Variants in LRRTM4 observed in about 807,000 individuals in gnomAD.
LRRTM4 encodes the protein leucine rich repeat transmembrane neuronal 4, also known as leucine-rich repeat transmembrane neuronal protein 4.
LRRTM4 carries 25 observed loss-of-function variants against 47.6 expected under a neutral mutation model. The ratio of observed to expected loss-of-function variants is 0.53; its 90% CI spans 0.38 to 0.73. The LOEUF is 0.73. Among genes scored for constraint, LRRTM4 ranks in the 30% least tolerant of loss-of-function variants. The pLI is 0.00. For missense variants in LRRTM4, 638 were observed against 713.4 expected (o/e 0.89, Z 1.20); for synonymous variants, 311 against 269.5 (o/e 1.15, Z -1.51).
intron 3 of LRRTM4, among the ~76,000 whole-genome samples, chr2:77,412,792 G>C (rs1188604932): frequency 6.6e-6 from 1 of 152,040 alleles, no homozygotes; most frequent in African/African-American, 2.4e-5. Context: ...AATAAAATAA[G>C]CAGCATGGGA....
intron 3 of LRRTM4, among the ~76,000 whole-genome samples, chr2:77,467,990 G>A (rs1371750587): frequency 6.6e-6 from 1 of 152,110 alleles, no homozygotes; most frequent in African/African-American, 2.4e-5. Flanking sequence ...GCTAAGGGGT[G>A]AAAAAGTCAT....
At chr2:77,243,549 T>A (rs1012888338) in intron 3 of LRRTM4, among the ~76,000 whole-genome samples, 1 of 148,382 alleles carries the variant, frequency 6.7e-6, no homozygotes, top group Admixed American at 6.8e-5. Context: ...AAAGGGAGAA[T>A]GAGGGTTGAT....
Position 77,387,428 on chromosome 2 carries a change from G to T in LRRTM4, c.1551+130890C>A, listed in dbSNP as rs183053781. ...CAGGCTAACCAGTATGTCTCCCTCT[G>T]TGGCAAAGGTTTGGCAGGTTTGCTA... On this transcript the variant is annotated intron_variant, in intron 3 of 3. Coordinates refer to ENST00000409884, the MANE Select transcript of LRRTM4 (RefSeq NM_001134745.3). Among the ~76,000 whole-genome samples the T allele has an allele frequency of 8.9e-4, 135 of 152,244 alleles. 1 individual carries two copies. Among genetic ancestry groups the T allele is most frequent in the African/African-American group, 3.1e-3 (127 of 41,538 alleles).
chr2:77,269,628 A>G (rs941920574), intron 3 of LRRTM4, among the ~76,000 whole-genome samples: 14 of 151,562 alleles, frequency 9.2e-5, no homozygotes, highest in African/African-American at 3.4e-4. Flanking sequence ...TTAATGAAAG[A>G]AAAAAAGGTT....
At chr2:76,775,972 T>C (rs920532160) in intron 3 of LRRTM4, among the ~76,000 whole-genome samples, 1 of 151,316 alleles carries the variant, frequency 6.6e-6, no homozygotes, top group African/African-American at 2.4e-5. Flanking sequence ...ATGATCTTAT[T>C]GTTCACTTCC....
chr2:76,853,828 C>T (rs923335400), intron 3 of LRRTM4, among the ~76,000 whole-genome samples: 1 of 152,136 alleles, frequency 6.6e-6, no homozygotes, highest in African/African-American at 2.4e-5. Context: ...ATTTCTCATA[C>T]TACAGTAGAT....
intron 3 of LRRTM4, among the ~76,000 whole-genome samples, chr2:77,023,075 C>T (rs1185376781): frequency 6.6e-6 from 1 of 152,248 alleles, no homozygotes; most frequent in Admixed American, 6.5e-5. Flanking sequence ...CAGAGGTTCC[C>T]TAACCCCAAT....
At chr2:77,071,786 G>T (rs72807214) in intron 3 of LRRTM4, among the ~76,000 whole-genome samples, 2,041 of 152,202 alleles carry the variant, frequency 0.013, 16 homozygotes, top group Middle Eastern at 0.051. Flanking sequence ...CAAAATTCAA[G>T]AATATACAGT....
At chr2:77,446,595 A>G (rs1676062073) in intron 3 of LRRTM4, among the ~76,000 whole-genome samples, 1 of 152,054 alleles carries the variant, frequency 6.6e-6, no homozygotes. Flanking sequence ...TTCCAACATA[A>G]ACTCATACCT....
At chr2:77,298,382 A>G (rs999883256) in intron 3 of LRRTM4, among the ~76,000 whole-genome samples, 232 of 152,068 alleles carry the variant, frequency 1.5e-3, no homozygotes, top group Non-Finnish European at 2.5e-3. Flanking sequence ...GACTACAGGC[A>G]CCCGCCACCA....
At chr2:77,135,704 T>C (rs1194484738) in intron 3 of LRRTM4, among the ~76,000 whole-genome samples, 2 of 152,176 alleles carry the variant, frequency 1.3e-5, no homozygotes, top group Admixed American at 1.3e-4. Flanking sequence ...TAAGGAAGTC[T>C]ACTGTTGTGA....
chr2:76,862,910 A>C (rs1003204517), intron 3 of LRRTM4, among the ~76,000 whole-genome samples: 10 of 152,186 alleles, frequency 6.6e-5, no homozygotes, highest in Admixed American at 2.0e-4. Context: ...TAAGGGTAGC[A>C]ACATATGTAT....
chr2:77,329,717 G>A (rs564341446), intron 3 of LRRTM4, among the ~76,000 whole-genome samples: 47 of 152,202 alleles, frequency 3.1e-4, no homozygotes, highest in Non-Finnish European at 4.3e-4. Flanking sequence ...CAGGATGCAC[G>A]GGGACTTCTG....
chr2:77,445,387 A>G (rs1309661560), intron 3 of LRRTM4, among the ~76,000 whole-genome samples: 2 of 151,730 alleles, frequency 1.3e-5, no homozygotes, highest in Non-Finnish European at 2.9e-5. Context: ...TTCCCTTTCA[A>G]TCCTTGAAGC....
intron 3 of LRRTM4, among the ~76,000 whole-genome samples, chr2:76,925,445 A>G (rs1156909773): frequency 6.6e-6 from 1 of 152,102 alleles, no homozygotes; most frequent in East Asian, 1.9e-4. Context: ...GGATCCATTT[A>G]AGCTCTGTCT....
chr2:77,221,593 T>C (rs1674633738), intron 3 of LRRTM4, among the ~76,000 whole-genome samples: 1 of 151,570 alleles, frequency 6.6e-6, no homozygotes, highest in African/African-American at 2.4e-5. Context: ...CCAACAAAGA[T>C]CAAAAGAGAC....
chr2:77,224,526 A>T (rs539605364), intron 3 of LRRTM4, among the ~76,000 whole-genome samples: 1 of 152,314 alleles, frequency 6.6e-6, no homozygotes, highest in South Asian at 2.1e-4. Context: ...AGAAAAACAA[A>T]CAACCCCATC....
intron 3 of LRRTM4, among the ~76,000 whole-genome samples, chr2:76,890,774 G>T (rs749944168): frequency 3.9e-5 from 6 of 151,956 alleles, no homozygotes; most frequent in Non-Finnish European, 7.4e-5. Flanking sequence ...GAAAGAGAAT[G>T]CTACAAAGTT....
intron 3 of LRRTM4, among the ~76,000 whole-genome samples, chr2:77,196,788 C>T (rs1384884786): frequency 6.6e-6 from 1 of 152,004 alleles, no homozygotes; most frequent in African/African-American, 2.4e-5. Context: ...AATCTAAGAT[C>T]TATTAAATTT....
Sources: gnomAD v4.1 joint callset for allele counts (sites outside exome capture counted in the v4.1 genomes callset) on GRCh38, gnomAD v4.1.1 for gene constraint, MANE v1.5 for transcripts, NCBI Gene and HGNC (gene_info 2026-07-23, HGNC 2026-07-21) for gene names.